Variants in VPS13B observed in about 807,000 individuals in gnomAD.
VPS13B encodes the protein intermembrane lipid transfer protein VPS13B.
Under a neutral mutation model 426.4 loss-of-function variants are expected in VPS13B, and 285 were observed. The ratio of observed to expected loss-of-function variants is 0.67; its 90% CI spans 0.61 to 0.74. The LOEUF (loss-of-function observed/expected upper bound fraction) is 0.74, where lower values mean the gene tolerates loss of function less well. Ranked by LOEUF, VPS13B falls within the 30% of genes least tolerant of loss-of-function variation. The probability of loss-of-function intolerance (pLI) is 0.00; values close to 1 mark genes in which losing one functional copy is unlikely to be tolerated. For missense variants in VPS13B, 4,537 were observed against 4,782.6 expected (o/e 0.95, Z 1.51); for synonymous variants, 1,676 against 1,676.4 (o/e 1.00, Z 0.01).
chr8:99,472,359 A>G (rs569149887), intron 24 of VPS13B, among the ~76,000 whole-genome samples: 2 of 152,188 alleles, frequency 1.3e-5, no homozygotes, highest in South Asian at 4.1e-4. Flanking sequence ...AAATCACATG[A>G]AAGTATTATT....
chr8:99,406,727 A>T (rs1048330863), intron 21 of VPS13B, among the ~76,000 whole-genome samples: 1 of 152,236 alleles, frequency 6.6e-6, no homozygotes, highest in African/African-American at 2.4e-5. Flanking sequence ...AATGTATGAC[A>T]TGGCTTCTGT....
At chr8:99,341,027 A>T (rs915591076) in intron 19 of VPS13B, 1 of 267,278 alleles carries the variant, frequency 3.7e-6, no homozygotes, top group Non-Finnish European at 7.7e-6. Flanking sequence ...TTTTATACTG[A>T]GCTTATTCCC....
chr8:99,848,814 T>C lies in VPS13B; in HGVS notation c.9981T>C (p.Asp3327=), dbSNP rs781011173. The change falls in exon 55 of 62, where the codon GAT becomes GAC. Residue 3327 remains aspartate (D), a synonymous_variant. Transcript: ENST00000357162. Reference sequence around the variant, plus strand: ...CTGGCTTTGGCTATGTGTATGTGGATGTTGTACATCAGTGTGGCACAGTCT... The same window carrying C: ...CTGGCTTTGGCTATGTGTATGTGGACGTTGTACATCAGTGTGGCACAGTCT... ...FLTGFGYVYV[D]VVHQCGTVFI... The C allele has an allele frequency of 6.2e-7, 1 of 1,614,160 alleles. No individual in the cohort carries two copies. The highest frequency in any genetic ancestry group is 2.2e-5 in the East Asian group (1 of 44,878).
At chr8:99,763,228 T>C (rs905854345) in intron 39 of VPS13B, among the ~76,000 whole-genome samples, 2 of 150,636 alleles carry the variant, frequency 1.3e-5, no homozygotes, top group African/African-American at 4.9e-5. Flanking sequence ...TCCCGATAGA[T>C]CTGATCCAAA....
At chr8:99,222,495 C>T (rs1247307103) in intron 17 of VPS13B, among the ~76,000 whole-genome samples, 3 of 152,110 alleles carry the variant, frequency 2.0e-5, no homozygotes, top group Non-Finnish European at 4.4e-5. Context: ...TAGCAGTGAT[C>T]GAATTTCTCT....
In VPS13B at chr8:99,121,485, T is replaced by C. The variant is rs1554625938; in HGVS notation, c.1206+40T>C. 6.2e-7 allele frequency: 1 copy of C among 1,609,342 alleles called. No individual in the cohort carries two copies. Among genetic ancestry groups the C allele is most frequent in the Non-Finnish European group, 8.5e-7 (1 of 1,177,268 alleles). The stretch of plus-strand genomic sequence containing the variant: ...TTGCTGTTTATATCTCTATCAACTT[T>C]AATGCTTAAATTTGGATTGTTAGTA... On this transcript the variant is annotated intron_variant, in intron 8 of 61. Transcript: ENST00000357162.
At chr8:99,624,749 C>T (rs1372489460) in intron 33 of VPS13B, among the ~76,000 whole-genome samples, 1 of 151,314 alleles carries the variant, frequency 6.6e-6, no homozygotes, top group African/African-American at 2.4e-5. Context: ...TCTTTTCTAC[C>T]ATTCTGACTG....
At chr8:99,870,237 T>C (rs1236960811) in intron 59 of VPS13B, among the ~76,000 whole-genome samples, 1 of 152,150 alleles carries the variant, frequency 6.6e-6, no homozygotes, top group African/African-American at 2.4e-5. Flanking sequence ...GACACAATCA[T>C]AGCTCACTGC....
At chr8:99,188,053 ATTTTTTT>A (rs60360700) in intron 16 of VPS13B, among the ~76,000 whole-genome samples, 2 of 112,780 alleles carry the variant, frequency 1.8e-5, no homozygotes, top group Non-Finnish European at 3.5e-5. Flanking sequence ...TTGTTTGGAC[ATTTTTTT>A]TTTTTTTTTT....
chr8:99,478,447 GT>G (rs56261645), intron 24 of VPS13B, among the ~76,000 whole-genome samples: 46,555 of 85,172 alleles, frequency 0.55, 8,283 homozygotes, highest in South Asian at 0.69. Flanking sequence ...TTTTTGTTTT[GT>G]TTTTTTTTTT....
At chr8:99,572,171 A>G (rs1279069210) in intron 31 of VPS13B, among the ~76,000 whole-genome samples, 2 of 152,200 alleles carry the variant, frequency 1.3e-5, no homozygotes, top group Admixed American at 1.3e-4. Flanking sequence ...TTGCTAACGA[A>G]ACATAAATGT....
chr8:99,060,391 T>C (rs571404066), intron 3 of VPS13B, among the ~76,000 whole-genome samples: 59 of 152,226 alleles, frequency 3.9e-4, no homozygotes, highest in South Asian at 2.7e-3. Context: ...GGTGGATCAC[T>C]TGAGGTTAGG....
intron 36 of VPS13B, among the ~76,000 whole-genome samples, chr8:99,703,325 T>A (rs568847711): frequency 1.3e-5 from 2 of 152,260 alleles, no homozygotes; most frequent in African/African-American, 4.8e-5. Context: ...GATTTTTTTT[T>A]AATTCCACTC....
chr8:99,695,612 T>C (rs1831938416), intron 35 of VPS13B, among the ~76,000 whole-genome samples: 1 of 134,800 alleles, frequency 7.4e-6, no homozygotes, highest in Non-Finnish European at 1.6e-5. Flanking sequence ...GACGAGTTAG[T>C]GGGTGCAGCG....
At chr8:99,184,936 G>T (rs576330357) in intron 16 of VPS13B, among the ~76,000 whole-genome samples, 18 of 152,346 alleles carry the variant, frequency 1.2e-4, no homozygotes, top group Non-Finnish European at 2.1e-4. Flanking sequence ...GCTGCAGTGA[G>T]CTGAGATCGT....
chr8:99,421,076 C>G (rs1816342764), intron 21 of VPS13B, among the ~76,000 whole-genome samples: 1 of 152,100 alleles, frequency 6.6e-6, no homozygotes, highest in Non-Finnish European at 1.5e-5. Context: ...AGTCGGAAAC[C>G]TGACACTTAG....
intron 31 of VPS13B, among the ~76,000 whole-genome samples, chr8:99,572,264 A>G (rs1310759454): frequency 6.6e-6 from 1 of 152,156 alleles, no homozygotes; most frequent in Non-Finnish European, 1.5e-5. Context: ...CTTTCTCAAT[A>G]ATGTTTTCCA....
chr8:99,131,846 A>C (rs1015678332), intron 8 of VPS13B, among the ~76,000 whole-genome samples: 1 of 152,128 alleles, frequency 6.6e-6, no homozygotes, highest in African/African-American at 2.4e-5. Flanking sequence ...TCTTCCTTTC[A>C]TGGAAGATTT....
intron 19 of VPS13B, among the ~76,000 whole-genome samples, chr8:99,302,124 A>G (rs1428713938): frequency 6.6e-6 from 1 of 152,152 alleles, no homozygotes; most frequent in Non-Finnish European, 1.5e-5. Flanking sequence ...GGCTGTTCTG[A>G]AGTCATTATT....
Sources: gnomAD v4.1 joint callset for allele counts (sites outside exome capture counted in the v4.1 genomes callset) on GRCh38, gnomAD v4.1.1 for gene constraint, MANE v1.5 for transcripts, NCBI Gene and HGNC (gene_info 2026-07-23, HGNC 2026-07-21) for gene names.